Variants in GRIA3 observed in about 807,000 individuals in gnomAD.
GRIA3 encodes the protein glutamate ionotropic receptor AMPA type subunit 3, also known as glutamate receptor 3.
Under a neutral mutation model 63.0 loss-of-function variants are expected in GRIA3, and 3 were observed. That is an observed-to-expected ratio of 0.05 (90% CI 0.02 to 0.12). GRIA3 has a LOEUF of 0.12. Among genes scored for constraint, GRIA3 ranks in the 10% least tolerant of loss-of-function variants. The probability of loss-of-function intolerance (pLI) is 1.00; values close to 1 mark genes in which losing one functional copy is unlikely to be tolerated. For missense variants in GRIA3, 347 were observed against 700.9 expected (o/e 0.50, Z 5.70); for synonymous variants, 274 against 257.9 (o/e 1.06, Z -0.60).
At chrX:123,269,367 T>C in intron 3 of GRIA3, among the ~76,000 whole-genome samples, 1 of 112,226 alleles carries the variant, frequency 8.9e-6, no homozygotes, top group South Asian at 3.7e-4. Context: ...TGCCACATAG[T>C]TAGCATTCTG....
At chrX:123,196,038 G>T (rs1367270667) in intron 2 of GRIA3, among the ~76,000 whole-genome samples, 2 of 111,333 alleles carry the variant, frequency 1.8e-5, no homozygotes, top group Non-Finnish European at 3.8e-5. Context: ...GCGCCCAGCA[G>T]ATCAGAAGAG....
intron 2 of GRIA3, among the ~76,000 whole-genome samples, chrX:123,200,274 G>A (rs1303984473): frequency 9.1e-6 from 1 of 109,683 alleles, no homozygotes; most frequent in African/African-American, 3.3e-5. Context: ...ATTAATTTCT[G>A]CTCATTGTCA....
intron 13 of GRIA3, among the ~76,000 whole-genome samples, chrX:123,469,400 ATTATT>A (rs1187206100): frequency 2.7e-5 from 3 of 111,725 alleles, no homozygotes; most frequent in African/African-American, 6.5e-5. Flanking sequence ...CTAATGTTTT[ATTATT>A]TTATTTTATT....
intron 4 of GRIA3, among the ~76,000 whole-genome samples, chrX:123,344,013 C>T (rs1257300976): frequency 9.0e-6 from 1 of 111,537 alleles, no homozygotes; most frequent in Non-Finnish European, 1.9e-5. Context: ...GTCCTAGTTA[C>T]TCTTAATGTA....
intron 5 of GRIA3, among the ~76,000 whole-genome samples, chrX:123,383,128 A>G (rs2045334026): frequency 8.9e-6 from 1 of 112,318 alleles, no homozygotes; most frequent in African/African-American, 3.2e-5. Flanking sequence ...TGGTAAATGA[A>G]TTAAAGCTAT....
chrX:123,348,326 A>T (rs2147346378), intron 4 of GRIA3, among the ~76,000 whole-genome samples: 1 of 112,252 alleles, frequency 8.9e-6, no homozygotes, highest in East Asian at 2.8e-4. Flanking sequence ...GGAATGCTGT[A>T]ATTTAAAATT....
At position 123,319,607 on chromosome X, in the gene GRIA3, G is replaced by A. The variant is rs753284194; in HGVS notation, c.509-6419G>A. Among the ~76,000 whole-genome samples the A allele has an allele frequency of 8.1e-5, 9 of 111,473 alleles. No homozygotes were observed. In the South Asian group the frequency reaches 1.5e-3, roughly 19 times the overall value. The stretch of plus-strand genomic sequence containing the variant: ...AGGAAAGATATTTGTAAAGTGCTTT[G>A]AGTACATCTGGGTTTGCTTCCCACA... On this transcript the variant is annotated intron_variant, in intron 3 of 15. Coordinates refer to ENST00000620443, the MANE Select transcript of GRIA3 (RefSeq NM_007325.5).
chrX:123,419,366 G>A (rs908737194), intron 11 of GRIA3, among the ~76,000 whole-genome samples: 138 of 106,094 alleles, frequency 1.3e-3, no homozygotes, highest in Non-Finnish European at 2.3e-3. Flanking sequence ...CCGAGGTTGC[G>A]CCATTGCACT....
chrX:123,260,268 T>C (rs2044443747), intron 3 of GRIA3, among the ~76,000 whole-genome samples: 1 of 103,516 alleles, frequency 9.7e-6, no homozygotes, highest in Non-Finnish European at 2.0e-5. Flanking sequence ...GGGCTATATT[T>C]CTGGTTGGAG....
At chrX:123,454,632 C>T (rs1188204410) in intron 12 of GRIA3, among the ~76,000 whole-genome samples, 3 of 111,173 alleles carry the variant, frequency 2.7e-5, no homozygotes, top group Non-Finnish European at 3.8e-5. Context: ...GCACTCCTCT[C>T]CCCAAGTTGT....
At chrX:123,235,794 G>A (rs757575805) in intron 2 of GRIA3, among the ~76,000 whole-genome samples, 1 of 108,031 alleles carries the variant, frequency 9.3e-6, no homozygotes, top group Non-Finnish European at 1.9e-5. Flanking sequence ...GAAATCCATT[G>A]TGTAGAGTGA....
chrX:123,407,158 C>G (rs2045478811), intron 10 of GRIA3, among the ~76,000 whole-genome samples: 1 of 111,665 alleles, frequency 9.0e-6, no homozygotes, highest in Non-Finnish European at 1.9e-5. Flanking sequence ...ACTATTACTA[C>G]TACTACTGCC....
intron 2 of GRIA3, among the ~76,000 whole-genome samples, chrX:123,188,741 A>T (rs1927344600): frequency 8.9e-6 from 1 of 111,985 alleles, no homozygotes; most frequent in Non-Finnish European, 1.9e-5. Context: ...TTAGCACTAG[A>T]ATTGATCTCT....
In GRIA3 at chrX:123,479,585, G is replaced by A. The variant is rs150999592; in HGVS notation, c.2325-478G>A. Among the ~76,000 whole-genome samples the A allele has an allele frequency of 9.8e-3, 1,097 of 111,793 alleles. 13 individuals carry two copies. Among genetic ancestry groups the A allele is most frequent in the African/African-American group, 0.034 (1,031 of 30,747 alleles). On this transcript the variant is annotated intron_variant, in intron 13 of 15. Transcript: ENST00000620443. Reference sequence around the variant, plus strand: ...GTAGAATCTATTTTCAATTCTGTTCGGATTTATCCATTTGTCTCGGTCCAC... The same window carrying A: ...GTAGAATCTATTTTCAATTCTGTTCAGATTTATCCATTTGTCTCGGTCCAC...
At chrX:123,187,046 G>T (rs1927297911) in intron 2 of GRIA3, among the ~76,000 whole-genome samples, 1 of 112,428 alleles carries the variant, frequency 8.9e-6, no homozygotes, top group Non-Finnish European at 1.9e-5. Context: ...GCTGAATATG[G>T]TATAAAATAT....
At chrX:123,395,466 T>G (rs1302056508) in intron 6 of GRIA3, among the ~76,000 whole-genome samples, 3 of 112,176 alleles carry the variant, frequency 2.7e-5, no homozygotes, top group Non-Finnish European at 3.8e-5. Flanking sequence ...TAAGGAAGAC[T>G]GATAGTCTGA....
At position 123,200,264 on chromosome X, in the gene GRIA3, AT is replaced by A. The variant is rs747198039; in HGVS notation, c.268+14276del. Among the ~76,000 whole-genome samples, 227 of 110,661 alleles carry A rather than the reference AT, an allele frequency of 2.1e-3. 1 individual carries two copies. The highest frequency in any genetic ancestry group is 6.7e-3 in the African/African-American group (205 of 30,480). On this transcript the variant is annotated intron_variant, in intron 2 of 15. Transcript: ENST00000620443. ...ATTATTATAGAATTTAAAATGTAAA[AT>A]TAATTTCTGCTCATTGTCAACAAAC...
intron 5 of GRIA3, among the ~76,000 whole-genome samples, chrX:123,374,267 T>A (rs1036342785): frequency 8.9e-6 from 1 of 112,003 alleles, no homozygotes; most frequent in Non-Finnish European, 1.9e-5. Flanking sequence ...AGCCTTGTAG[T>A]ATAGTTTGAA....
At chrX:123,241,486 T>C (rs35851355) in intron 2 of GRIA3, among the ~76,000 whole-genome samples, 304 of 111,141 alleles carry the variant, frequency 2.7e-3, no homozygotes, top group Middle Eastern at 0.014. Context: ...TTTTATTTTG[T>C]TTTGTTTTAT....
Sources: allele counts gnomAD v4.1 joint callset (sites outside exome capture counted in the v4.1 genomes callset), GRCh38; gene constraint gnomAD v4.1.1; transcripts MANE v1.5; gene names NCBI Gene and HGNC (gene_info 2026-07-23, HGNC 2026-07-21).